Variants in CD109 observed in about 807,000 individuals in gnomAD.
The protein encoded by CD109 is CD109 molecule.
Under a neutral mutation model 165.8 loss-of-function variants are expected in CD109, and 149 were observed. The observed-to-expected ratio is 0.90, with a 90% CI of 0.79 to 1.03. CD109 has a LOEUF of 1.03. Ranked by LOEUF, CD109 falls within the 50% of genes least tolerant of loss-of-function variation. The pLI is 0.00. For synonymous variants in CD109, 585 were observed against 592.1 expected, an observed-to-expected ratio of 0.99 and a Z score of 0.18; for missense variants, 1,712 against 1,677.8, an observed-to-expected ratio of 1.02 and a Z score of -0.36.
At chr6:73,683,730 T>C in the CD109 span, among the ~76,000 whole-genome samples, 1 of 152,106 alleles carries the variant, frequency 6.6e-6, no homozygotes, top group Non-Finnish European at 1.5e-5. Flanking sequence ...TTCCATGTGG[T>C]TGGGGAAGCC....
At chr6:73,683,414 T>C in the CD109 span, among the ~76,000 whole-genome samples, 3 of 152,210 alleles carry the variant, frequency 2.0e-5, no homozygotes, top group Admixed American at 6.5e-5. Context: ...CATCTCAGTC[T>C]GAGACCACCT....
At chr6:73,685,972 T>G in the CD109 span, among the ~76,000 whole-genome samples, 1 of 152,254 alleles carries the variant, frequency 6.6e-6, no homozygotes, top group African/African-American at 2.4e-5. Context: ...GTGAAGGTGA[T>G]GAGAGTATGC....
At chr6:73,773,801 T>C (rs1324823426) in intron 15 of CD109, among the ~76,000 whole-genome samples, 1 of 152,162 alleles carries the variant, frequency 6.6e-6, no homozygotes, top group Non-Finnish European at 1.5e-5. Context: ...TTTTTAATTG[T>C]GGAAATCTGT....
chr6:73,723,846 A>G (rs990668449), intron 3 of CD109, among the ~76,000 whole-genome samples: 1 of 152,086 alleles, frequency 6.6e-6, no homozygotes, highest in Non-Finnish European at 1.5e-5. Context: ...CCCATGACAC[A>G]AGTTTACCTA....
chr6:73,746,658 A>T (rs1772994885), intron 5 of CD109, among the ~76,000 whole-genome samples: 1 of 151,946 alleles, frequency 6.6e-6, no homozygotes, highest in African/African-American at 2.4e-5. Flanking sequence ...TGTACTGCAG[A>T]TGGTAACACT....
intron 5 of CD109, among the ~76,000 whole-genome samples, chr6:73,743,432 A>G (rs558744383): frequency 6.6e-6 from 1 of 152,248 alleles, no homozygotes; most frequent in African/African-American, 2.4e-5. Flanking sequence ...AGCAATCTGC[A>G]TTGAGTTATT....
chr6:73,773,045 A>G (rs1774102065), intron 15 of CD109, among the ~76,000 whole-genome samples: 3 of 151,444 alleles, frequency 2.0e-5, no homozygotes. Flanking sequence ...CTTTCTAAAT[A>G]TCTTGGTAAA....
rs79433097 is a variant in CD109 at position 73,787,271 on chromosome 6, T to G, written c.2375T>G (p.Ile792Ser). 1,949 of 1,613,834 alleles carry G rather than the reference T, an allele frequency of 1.2e-3. 28 individuals are homozygous for G. In the African/African-American group the frequency reaches 0.022, roughly 18 times the overall value. Residue 792 changes from isoleucine (I) to serine (S), a missense_variant, in exon 21 of 33, where the codon ATT (isoleucine) becomes AGT (serine). By Grantham distance (142) the Ile-to-Ser change is moderately radical. Coordinates refer to ENST00000287097, the MANE Select transcript of CD109 (RefSeq NM_133493.5). ...ATTGAGAAAAGTGACAAATTTGATA[T>G]TCTAATGACTTCAAATGAAATAAAT... Reference protein sequence around the residue: ...VIIEKSDKFDILMTSNEINAT... With the variant: ...VIIEKSDKFDSLMTSNEINAT...
chr6:73,680,534 G>GC, the CD109 span, among the ~76,000 whole-genome samples: 6 of 152,204 alleles, frequency 3.9e-5, no homozygotes, highest in Admixed American at 2.6e-4. Context: ...TTCTGGATGA[G>GC]CAGTGAAAGG....
At position 73,751,726 on chromosome 6, in the gene CD109, G is replaced by A. The variant is rs986609305; in HGVS notation, c.634-4917G>A. Among the ~76,000 whole-genome samples the A allele has an allele frequency of 5.9e-5, 9 of 152,178 alleles. No homozygotes were observed. The South Asian group carries it at 6.2e-4, about 10-fold the overall frequency. On this transcript the variant is annotated intron_variant, in intron 5 of 32. Transcript: ENST00000287097. ...TTGTCTGCATTGTCTATGGAAGCCC[G>A]TTTCCCTAGGCTTGAAATGAGGGCC...
intron 25 of CD109, among the ~76,000 whole-genome samples, chr6:73,807,718 T>A (rs1775618906): frequency 6.6e-6 from 1 of 152,134 alleles, no homozygotes; most frequent in Non-Finnish European, 1.5e-5. Flanking sequence ...GAAGCTAAAC[T>A]TTTCCTGAAC....
the CD109 span, among the ~76,000 whole-genome samples, chr6:73,681,572 G>A: frequency 6.6e-6 from 1 of 151,878 alleles, no homozygotes; most frequent in Non-Finnish European, 1.5e-5. Context: ...ATGGCAGCAG[G>A]CAAAGAGAGA....
chr6:73,687,192 A>C, the CD109 span, among the ~76,000 whole-genome samples: 1 of 152,188 alleles, frequency 6.6e-6, no homozygotes, highest in Non-Finnish European at 1.5e-5. Flanking sequence ...GAAATCCCTC[A>C]TATCTACTAT....
At chr6:73,688,692 A>G in the CD109 span, among the ~76,000 whole-genome samples, 1 of 151,654 alleles carries the variant, frequency 6.6e-6, no homozygotes, top group Admixed American at 6.6e-5. Flanking sequence ...AATGGCATTA[A>G]TAATTATTTC....
At chr6:73,810,272 A>T in intron 27 of CD109, 98 bp downstream of exon 27, 6 of 329,568 alleles carry the variant, frequency 1.8e-5, no homozygotes, top group Non-Finnish European at 2.9e-5. Context: ...ATATTATATA[A>T]ATCATATGTT....
intron 4 of CD109, among the ~76,000 whole-genome samples, chr6:73,733,306 G>C (rs1772432709): frequency 6.6e-6 from 1 of 152,140 alleles, no homozygotes; most frequent in Admixed American, 6.6e-5. Context: ...GAGAGTTAAC[G>C]GGGCCCATCT....
At chr6:73,794,298 T>C (rs1332677676) in intron 23 of CD109, among the ~76,000 whole-genome samples, 3 of 152,174 alleles carry the variant, frequency 2.0e-5, no homozygotes, top group Non-Finnish European at 4.4e-5. Flanking sequence ...CAGAACACTA[T>C]GGGATAATTC....
chr6:73,755,914 T>C (rs1346014865), intron 5 of CD109, among the ~76,000 whole-genome samples: 1 of 152,102 alleles, frequency 6.6e-6, no homozygotes, highest in Admixed American at 6.5e-5. Context: ...TGAGCTGTGT[T>C]TGTGCCACTA....
intron 7 of CD109, among the ~76,000 whole-genome samples, chr6:73,760,354 C>T (rs568566392): frequency 8.8e-5 from 12 of 135,672 alleles, no homozygotes; most frequent in African/African-American, 3.4e-4. Context: ...TTGCAGTGAG[C>T]CGAGATTGTG....
Sources: gnomAD v4.1 joint callset for allele counts (sites outside exome capture counted in the v4.1 genomes callset) on GRCh38, gnomAD v4.1.1 for gene constraint, MANE v1.5 for transcripts, NCBI Gene and HGNC (gene_info 2026-07-23, HGNC 2026-07-21) for gene names.